Variants in ENTREP2 observed in about 807,000 individuals in gnomAD.
The protein encoded by ENTREP2 is endosomal transmembrane epsin interactor 2.
chr15:29,144,459 T>C, the ENTREP2 span, among the ~76,000 whole-genome samples: 9 of 152,268 alleles, frequency 5.9e-5, no homozygotes, highest in Non-Finnish European at 1.2e-4. Context: ...CCGCGCATGG[T>C]AGCTCATGCC....
the ENTREP2 span, among the ~76,000 whole-genome samples, chr15:29,464,875 C>G: frequency 8.5e-5 from 13 of 152,252 alleles, no homozygotes; most frequent in African/African-American, 2.2e-4. Context: ...CCCTCAGAGA[C>G]GAGCCTCCCA....
chr15:29,529,271 GT>G, the ENTREP2 span, among the ~76,000 whole-genome samples: 1 of 151,644 alleles, frequency 6.6e-6, no homozygotes, highest in Non-Finnish European at 1.5e-5. Flanking sequence ...GGAGGGGTGT[GT>G]GGTAGCTAAT....
the ENTREP2 span, among the ~76,000 whole-genome samples, chr15:29,551,961 G>GA: frequency 6.6e-6 from 1 of 152,216 alleles, no homozygotes; most frequent in South Asian, 2.1e-4. Flanking sequence ...TCCAGAGATG[G>GA]AAAAAATGCT....
At chr15:29,263,905 T>C in the ENTREP2 span, among the ~76,000 whole-genome samples, 2 of 151,996 alleles carry the variant, frequency 1.3e-5, no homozygotes, top group Non-Finnish European at 2.9e-5. Context: ...ACGCCTACAA[T>C]CCCAGCACTT....
the ENTREP2 span, among the ~76,000 whole-genome samples, chr15:29,397,848 G>GT: frequency 6.6e-6 from 1 of 152,152 alleles, no homozygotes; most frequent in Non-Finnish European, 1.5e-5. Flanking sequence ...AAAGGTCAGT[G>GT]TAACAATCAC....
the ENTREP2 span, among the ~76,000 whole-genome samples, chr15:29,632,478 G>A: frequency 6.6e-6 from 1 of 152,082 alleles, no homozygotes; most frequent in African/African-American, 2.4e-5. Flanking sequence ...TTACTAAAAT[G>A]ATAAAGAATC....
the ENTREP2 span, among the ~76,000 whole-genome samples, chr15:29,415,364 C>T: frequency 6.6e-6 from 1 of 152,126 alleles, no homozygotes; most frequent in South Asian, 2.1e-4. Flanking sequence ...AATCAATAAA[C>T]GTAATCCAGC....
At chr15:29,427,462 A>C in the ENTREP2 span, among the ~76,000 whole-genome samples, 1 of 152,304 alleles carries the variant, frequency 6.6e-6, no homozygotes, top group Admixed American at 6.5e-5. Flanking sequence ...TTGAGGTCAA[A>C]AGTCCAAAAT....
the ENTREP2 span, among the ~76,000 whole-genome samples, chr15:29,587,602 A>G: frequency 6.6e-6 from 1 of 152,236 alleles, no homozygotes. Flanking sequence ...GAAAACAATT[A>G]TCTTGCCTTC....
the ENTREP2 span, among the ~76,000 whole-genome samples, chr15:29,617,896 G>C: frequency 2.0e-5 from 3 of 152,174 alleles, no homozygotes; most frequent in Admixed American, 6.5e-5. Context: ...TTAGGACCAG[G>C]CAGCCTGGCA....
chr15:29,628,526 T>G, the ENTREP2 span, among the ~76,000 whole-genome samples: 1 of 152,232 alleles, frequency 6.6e-6, no homozygotes, highest in Non-Finnish European at 1.5e-5. Context: ...GTCCATTAGA[T>G]CATGTTGATT....
At chr15:29,479,075 C>G in the ENTREP2 span, among the ~76,000 whole-genome samples, 1 of 145,032 alleles carries the variant, frequency 6.9e-6, no homozygotes, top group Non-Finnish European at 1.5e-5. Flanking sequence ...GGCGTGGTGG[C>G]GGGCGCCTGT....
the ENTREP2 span, among the ~76,000 whole-genome samples, chr15:29,644,128 T>A: frequency 6.6e-6 from 1 of 152,218 alleles, no homozygotes; most frequent in Admixed American, 6.5e-5. Flanking sequence ...AACTGATACA[T>A]GCTTCAGCAG....
At chr15:29,596,573 C>T in the ENTREP2 span, among the ~76,000 whole-genome samples, 3 of 152,204 alleles carry the variant, frequency 2.0e-5, no homozygotes, top group Non-Finnish European at 4.4e-5. Flanking sequence ...TCCTCATCTC[C>T]TTCAACAACA....
At chr15:29,585,081 A>T in the ENTREP2 span, among the ~76,000 whole-genome samples, 1 of 152,178 alleles carries the variant, frequency 6.6e-6, no homozygotes, top group Non-Finnish European at 1.5e-5. Flanking sequence ...AAAGTTAAAG[A>T]TGAATACAAA....
the ENTREP2 span, among the ~76,000 whole-genome samples, chr15:29,659,907 T>C: frequency 6.6e-6 from 1 of 152,136 alleles, no homozygotes; most frequent in Non-Finnish European, 1.5e-5. Context: ...CAAGCAATTC[T>C]TGTGCCTCGG....
At chr15:29,431,902 C>T in the ENTREP2 span, among the ~76,000 whole-genome samples, 3 of 152,156 alleles carry the variant, frequency 2.0e-5, no homozygotes, top group Non-Finnish European at 4.4e-5. Context: ...CACAAGACCA[C>T]TCTGATGAGG....
the ENTREP2 span, among the ~76,000 whole-genome samples, chr15:29,666,069 C>T: frequency 7.2e-5 from 11 of 151,848 alleles, no homozygotes; most frequent in Admixed American, 3.9e-4. Context: ...GTTGGCCAGG[C>T]TGGTCTCGAA....
the ENTREP2 span, among the ~76,000 whole-genome samples, chr15:29,253,658 G>A: frequency 6.6e-6 from 1 of 152,014 alleles, no homozygotes; most frequent in African/African-American, 2.4e-5. Flanking sequence ...GGCCAGGACG[G>A]TCTCGATCTC....
Sources: gnomAD v4.1 joint callset for allele counts (sites outside exome capture counted in the v4.1 genomes callset) on GRCh38, gnomAD v4.1.1 for gene constraint, MANE v1.5 for transcripts, NCBI Gene and HGNC (gene_info 2026-07-23, HGNC 2026-07-21) for gene names.